INO80D: variants seen among roughly 807,000 people sequenced by gnomAD.
The protein encoded by INO80D is INO80 complex subunit D.
INO80D carries 21 observed loss-of-function variants against 87.6 expected under a neutral mutation model. The observed-to-expected ratio is 0.24, with a 90% confidence interval of 0.17 to 0.35. The LOEUF (loss-of-function observed/expected upper bound fraction) is 0.35, where lower values mean the gene tolerates loss of function less well. INO80D is among the 10% of genes least tolerant of loss of function. INO80D has a pLI of 1.00. For missense variants in INO80D, 982 were observed against 1,280.7 expected (o/e 0.77, Z 3.56); for synonymous variants, 440 against 491.0 (o/e 0.90, Z 1.37).
chr2:206,009,887 A>G, intron 8 of INO80D, 93 bp from the exon 9 acceptor site: 2 of 1,011,836 alleles, frequency 2.0e-6, no homozygotes, highest in Non-Finnish European at 2.9e-6. Flanking sequence ...AATATTCTAT[A>G]TAATGCCTAA....
chr2:206,037,361 ACAAC>A (rs753708041), intron 5 of INO80D, among the ~76,000 whole-genome samples: 28 of 152,200 alleles, frequency 1.8e-4, no homozygotes, highest in Non-Finnish European at 4.0e-4. Context: ...CTTTATTAAG[ACAAC>A]CAAACAGCAA....
chr2:206,061,047 T>G (rs1689676989), intron 3 of INO80D, among the ~76,000 whole-genome samples: 1 of 151,898 alleles, frequency 6.6e-6, no homozygotes, highest in Non-Finnish European at 1.5e-5. Context: ...GGGGTCTTGT[T>G]CAGTTGCCCA....
intron 1 of INO80D, among the ~76,000 whole-genome samples, chr2:206,083,954 G>C (rs890662237): frequency 2.0e-5 from 3 of 151,762 alleles, no homozygotes; most frequent in African/African-American, 7.3e-5. Flanking sequence ...GTGGGGGGTG[G>C]CAGGGTCTAT....
intron 9 of INO80D, 55 bp from the exon 10 acceptor site, chr2:206,007,496 A>G (rs1688057204): frequency 1.3e-6 from 2 of 1,541,928 alleles, no homozygotes. Flanking sequence ...TCACATCAAT[A>G]CCACCAAGCC....
intron 5 of INO80D, among the ~76,000 whole-genome samples, chr2:206,039,290 G>A (rs912012278): frequency 6.6e-6 from 1 of 151,896 alleles, no homozygotes; most frequent in African/African-American, 2.4e-5. Flanking sequence ...CCACCTACTC[G>A]GGAGGCTGAG....
In INO80D at chr2:206,004,408, C is replaced by A. The variant is rs1164449248; in HGVS notation, c.3044G>T (p.Ser1015Ile). Reference sequence around the variant, plus strand: ...AAAGGGAGAAGATGCATTATTGGTACTTGTAGCTGTGGCACCTGTTACTGT... The same window carrying A: ...AAAGGGAGAAGATGCATTATTGGTAATTGTAGCTGTGGCACCTGTTACTGT... ...GFTVTGATAT[S>I]TNNASSPFPS... The change falls in exon 11 of 11, where the codon AGT (serine) becomes ATT (isoleucine). Residue 1015 changes from serine to isoleucine, a missense_variant. Ser to Ile is a moderately radical substitution (Grantham distance 142). Coordinates refer to ENST00000403263, the MANE Select transcript of INO80D (RefSeq NM_017759.5). The surrounding 1 kb of genome is among the most constrained non-coding windows in gnomAD (Gnocchi z 4.9). 3.9e-5 allele frequency: 63 copies of A among 1,602,540 alleles called. No homozygotes were observed. Among genetic ancestry groups the A allele is most frequent in the Non-Finnish European group, 4.8e-5 (56 of 1,174,704 alleles).
chr2:206,052,428 C>T (rs1357818161), intron 4 of INO80D, among the ~76,000 whole-genome samples: 3 of 151,998 alleles, frequency 2.0e-5, no homozygotes, highest in South Asian at 4.1e-4. Flanking sequence ...CTCCTGATCT[C>T]GTGATCCACC....
intron 7 of INO80D, 39 bp downstream of exon 7, chr2:206,019,697 T>C: frequency 6.7e-7 from 1 of 1,483,514 alleles, no homozygotes; most frequent in South Asian, 1.2e-5. Flanking sequence ...AATTAGGTAG[T>C]ACTTTTTCAA....
intron 1 of INO80D, among the ~76,000 whole-genome samples, chr2:206,080,608 C>G (rs186199618): frequency 6.6e-6 from 1 of 151,994 alleles, no homozygotes; most frequent in African/African-American, 2.4e-5. Flanking sequence ...AAATTCACAT[C>G]AAGAATATTA....
chr2:206,036,564 G>C (rs1688901733), intron 5 of INO80D, among the ~76,000 whole-genome samples: 1 of 152,134 alleles, frequency 6.6e-6, no homozygotes, highest in Middle Eastern at 3.2e-3. Flanking sequence ...AGATACACTG[G>C]ACTTTGGGGA....
intron 5 of INO80D, among the ~76,000 whole-genome samples, chr2:206,036,229 C>G (rs950240276): frequency 4.6e-5 from 7 of 152,146 alleles, no homozygotes; most frequent in Admixed American, 6.6e-5. Context: ...ATCCAGCAAT[C>G]CCACTACCGG....
chr2:206,013,167 G>C (rs1397812227), intron 8 of INO80D, among the ~76,000 whole-genome samples: 1 of 151,742 alleles, frequency 6.6e-6, no homozygotes, highest in African/African-American at 2.4e-5. Context: ...TTCAGTCTTA[G>C]GTTTGCCTCA....
intron 9 of INO80D, 68 bp downstream of exon 9, chr2:206,009,509 T>C: frequency 7.7e-7 from 1 of 1,301,168 alleles, no homozygotes. Context: ...AATAACCACA[T>C]GAAGCTAGAT....
At chr2:206,055,797 T>C (rs1400072577) in intron 4 of INO80D, among the ~76,000 whole-genome samples, 1 of 152,228 alleles carries the variant, frequency 6.6e-6, no homozygotes, top group Non-Finnish European at 1.5e-5. Context: ...ATACAGACTT[T>C]TTTTCTTGTC....
At chr2:206,014,334 G>C (rs911829763) in intron 8 of INO80D, among the ~76,000 whole-genome samples, 8 of 152,226 alleles carry the variant, frequency 5.3e-5, no homozygotes, top group Non-Finnish European at 1.2e-4. Context: ...GAAGAAGCCA[G>C]TTGATCTGGT....
chr2:206,030,680 T>TTCTAGACTTAATG (rs1199242979), intron 5 of INO80D, among the ~76,000 whole-genome samples: 1 of 152,158 alleles, frequency 6.6e-6, no homozygotes, highest in African/African-American at 2.4e-5. Flanking sequence ...AAGGTTAGCT[T>TTCTAGACTTAATG]TCTAGACTTA....
chr2:206,045,171 C>A (rs1358926876), intron 5 of INO80D, among the ~76,000 whole-genome samples: 1 of 152,138 alleles, frequency 6.6e-6, no homozygotes, highest in African/African-American at 2.4e-5. Context: ...ATTCCATGTC[C>A]AAATAAGCTT....
chr2:206,081,621 C>T (rs1451379599), intron 1 of INO80D, among the ~76,000 whole-genome samples: 1 of 151,882 alleles, frequency 6.6e-6, no homozygotes, highest in African/African-American at 2.4e-5. Flanking sequence ...GGCATGGTGG[C>T]AAGCACCTGT....
intron 1 of INO80D, among the ~76,000 whole-genome samples, chr2:206,069,141 T>C (rs1215894861): frequency 6.6e-6 from 1 of 152,198 alleles, no homozygotes; most frequent in Non-Finnish European, 1.5e-5. Flanking sequence ...CTATATTCAG[T>C]ACAAAGGTTT....
Sources: gnomAD v4.1 joint callset for allele counts (sites outside exome capture counted in the v4.1 genomes callset) on GRCh38, gnomAD v4.1.1 for gene constraint, Gnocchi (gnomAD v3.1) non-coding constraint, MANE v1.5 for transcripts, NCBI Gene and HGNC (gene_info 2026-07-23, HGNC 2026-07-21) for gene names.